The following MAML3 variants were observed in gnomAD, a reference collection of about 807,000 sequenced individuals.
MAML3 encodes mastermind-like protein 3.
A neutral mutation model predicts 101.9 loss-of-function variants in MAML3; 27 were observed. The observed-to-expected ratio is 0.27, with a 90% confidence interval of 0.20 to 0.37. The LOEUF (loss-of-function observed/expected upper bound fraction) is 0.37. MAML3 is among the 10% of genes least tolerant of loss of function. The pLI is 1.00. For missense variants in MAML3, 1,316 were observed against 1,444.9 expected (o/e 0.91, Z 1.45); for synonymous variants, 501 against 555.9 (o/e 0.90, Z 1.39).
chr4:139,885,932 C>CAAAAAAAA (rs1182443191), intron 2 of MAML3, among the ~76,000 whole-genome samples: 10 of 20,272 alleles, frequency 4.9e-4, no homozygotes, highest in African/African-American at 1.2e-3. Flanking sequence ...GACTCCGTCT[C>CAAAAAAAA]AAAAAAAAAA....
At chr4:139,945,346 C>T (rs1029251787) in intron 1 of MAML3, among the ~76,000 whole-genome samples, 1 of 152,186 alleles carries the variant, frequency 6.6e-6, no homozygotes, top group Non-Finnish European at 1.5e-5. Flanking sequence ...TCCAGCAACA[C>T]ACTGATATGA....
rs186147519 is a variant in MAML3 at position 139,975,905 on chromosome 4, T to C, written c.469-84938A>G. Among the ~76,000 whole-genome samples the C allele has an allele frequency of 5.9e-5, 9 of 152,208 alleles. No homozygotes were observed. In the East Asian group the frequency reaches 1.7e-3, roughly 29 times the overall value. On this transcript the variant is annotated intron_variant, in intron 1 of 4. Coordinates refer to ENST00000509479, the MANE Select transcript of MAML3 (RefSeq NM_018717.5). ...GTGTTCAGGCCTGGATTAAAGGAAA[T>C]ATATTCACCATGGGAATTAGGAGAA...
At chr4:139,730,927 A>C (rs765988104) in intron 2 of MAML3, 86 of 541,906 alleles carry the variant, frequency 1.6e-4, no homozygotes, top group Middle Eastern at 4.9e-4. Context: ...TTCGGATGGG[A>C]CTGACTATTG....
chr4:139,946,980 T>C (rs2110750270), intron 1 of MAML3, among the ~76,000 whole-genome samples: 1 of 151,802 alleles, frequency 6.6e-6, no homozygotes, highest in East Asian at 1.9e-4. Flanking sequence ...TGCAACATGC[T>C]ATAATTAAGC....
At chr4:140,016,094 C>T (rs192766099) in intron 1 of MAML3, among the ~76,000 whole-genome samples, 1 of 152,006 alleles carries the variant, frequency 6.6e-6, no homozygotes, top group East Asian at 1.9e-4. Context: ...AGCAAGATAA[C>T]AGGATACAAG....
intron 2 of MAML3, among the ~76,000 whole-genome samples, chr4:139,804,683 A>G (rs919677126): frequency 3.9e-5 from 6 of 152,222 alleles, no homozygotes; most frequent in Non-Finnish European, 7.3e-5. Context: ...TTCTGCAAGC[A>G]TATTAATTTA....
chr4:140,065,104 T>C (rs750034194), intron 1 of MAML3, among the ~76,000 whole-genome samples: 12 of 152,226 alleles, frequency 7.9e-5, no homozygotes, highest in Admixed American at 6.5e-5. Flanking sequence ...GGTAAAACTC[T>C]TATCCATGAA....
intron 2 of MAML3, among the ~76,000 whole-genome samples, chr4:139,786,066 C>T (rs569861146): frequency 1.6e-4 from 25 of 151,876 alleles, no homozygotes; most frequent in Non-Finnish European, 2.6e-4. Flanking sequence ...GGCACTAATC[C>T]GATATGGCTG....
rs189225931 is a variant in MAML3 at position 140,035,314 on chromosome 4, A to T, written c.468+117546T>A. On this transcript the variant is annotated intron_variant, in intron 1 of 4. Transcript: ENST00000509479. ...TAAGGTGAAACCCTGAAAAACAGAA[A>T]GTTCATGTTCCAAATATGTGAAATC... is the stretch of plus-strand genomic sequence containing the variant. Among the ~76,000 whole-genome samples, 92 of 152,278 alleles carry T rather than the reference A, an allele frequency of 6.0e-4. No individual in the cohort carries two copies. The Middle Eastern group carries it at 0.017, about 28-fold the overall frequency.
At chr4:140,103,263 G>T (rs186593015) in intron 1 of MAML3, among the ~76,000 whole-genome samples, 1 of 152,302 alleles carries the variant, frequency 6.6e-6, no homozygotes, top group African/African-American at 2.4e-5. Context: ...TAAAGATTTT[G>T]TGATCAGCTA....
At chr4:139,752,778 A>G (rs774452318) in intron 2 of MAML3, among the ~76,000 whole-genome samples, 55 of 152,354 alleles carry the variant, frequency 3.6e-4, no homozygotes, top group Non-Finnish European at 5.9e-4. Context: ...ATAGAAGAAA[A>G]AAAAGCTAGA....
intron 1 of MAML3, among the ~76,000 whole-genome samples, chr4:139,949,618 AAC>A (rs1326135537): frequency 6.6e-6 from 1 of 152,244 alleles, no homozygotes; most frequent in Non-Finnish European, 1.5e-5. Flanking sequence ...TTAATTTACA[AAC>A]ACAAATTTAA....
At chr4:139,749,533 A>C (rs1484020957) in intron 2 of MAML3, among the ~76,000 whole-genome samples, 1 of 152,218 alleles carries the variant, frequency 6.6e-6, no homozygotes, top group Non-Finnish European at 1.5e-5. Flanking sequence ...TTGGCTTATG[A>C]GCTCTGGTAA....
At chr4:139,993,130 T>C (rs1185734129) in intron 1 of MAML3, among the ~76,000 whole-genome samples, 1 of 152,052 alleles carries the variant, frequency 6.6e-6, no homozygotes, top group East Asian at 1.9e-4. Context: ...GGCGGGCAGA[T>C]CTCTTGAAGT....
At chr4:140,048,133 T>A (rs1367238875) in intron 1 of MAML3, among the ~76,000 whole-genome samples, 1 of 152,188 alleles carries the variant, frequency 6.6e-6, no homozygotes, top group Non-Finnish European at 1.5e-5. Flanking sequence ...TGATCACTTT[T>A]CTGTGTGATC....
At chr4:139,805,532 G>T (rs1730685441) in intron 2 of MAML3, among the ~76,000 whole-genome samples, 1 of 152,162 alleles carries the variant, frequency 6.6e-6, no homozygotes, top group South Asian at 2.1e-4. Flanking sequence ...AGTTACCCAA[G>T]AATAACCTTA....
intron 2 of MAML3, among the ~76,000 whole-genome samples, chr4:139,841,403 G>T (rs992785747): frequency 1.3e-5 from 2 of 152,162 alleles, no homozygotes; most frequent in African/African-American, 4.8e-5. Flanking sequence ...GGAACAAACA[G>T]GGGTTCTCAA....
At chr4:139,926,101 C>CCATATACCG (rs1553964443) in intron 1 of MAML3, among the ~76,000 whole-genome samples, 2 of 152,028 alleles carry the variant, frequency 1.3e-5, no homozygotes, top group Non-Finnish European at 1.5e-5. Flanking sequence ...AACCAAACAC[C>CCATATACCG]CATATACCGA....
intron 1 of MAML3, among the ~76,000 whole-genome samples, chr4:140,103,066 G>A (rs1006981774): frequency 6.6e-6 from 1 of 152,108 alleles, no homozygotes; most frequent in Non-Finnish European, 1.5e-5. Context: ...ACTCCCCGAC[G>A]CCACTCTCAA....
Sources: allele counts gnomAD v4.1 joint callset (sites outside exome capture counted in the v4.1 genomes callset), GRCh38; gene constraint gnomAD v4.1.1; transcripts MANE v1.5; gene names NCBI Gene and HGNC (gene_info 2026-07-23, HGNC 2026-07-21).